CERS6: variants seen among roughly 807,000 people sequenced by gnomAD.
CERS6 encodes LAG1 homolog, ceramide synthase 6.
A neutral mutation model predicts 56.8 loss-of-function variants in CERS6; 26 were observed. The observed-to-expected ratio is 0.46, with a 90% CI of 0.34 to 0.63. The LOEUF (loss-of-function observed/expected upper bound fraction) is 0.63. Ranked by LOEUF, CERS6 falls within the 30% of genes least tolerant of loss-of-function variation. The pLI, the probability that CERS6 is intolerant of heterozygous loss-of-function variation, is 0.01. For missense variants in CERS6, 415 were observed against 467.5 expected (o/e 0.89, Z 1.04); for synonymous variants, 164 against 173.3 (o/e 0.95, Z 0.42).
chr2:168,626,946 T>C (rs778984786), intron 3 of CERS6, among the ~76,000 whole-genome samples: 6 of 152,150 alleles, frequency 3.9e-5, no homozygotes, highest in Non-Finnish European at 8.8e-5. Context: ...CACTCCAGTT[T>C]TGTGTCCCTG....
chr2:168,547,752 G>T, intron 2 of CERS6, 51 bp downstream of exon 2: 1 of 1,246,842 alleles, frequency 8.0e-7, no homozygotes, highest in Non-Finnish European at 1.2e-6. Flanking sequence ...ACCATTCTCA[G>T]CCTGCTGTCA....
At chr2:168,702,618 G>A (rs935248332) in intron 6 of CERS6, among the ~76,000 whole-genome samples, 5 of 152,098 alleles carry the variant, frequency 3.3e-5, no homozygotes, top group Admixed American at 1.3e-4. Context: ...ACTACTCAGC[G>A]AACCAATATT....
chr2:168,537,693 AT>A (rs1309975470), intron 1 of CERS6, among the ~76,000 whole-genome samples: 1 of 152,144 alleles, frequency 6.6e-6, no homozygotes, highest in East Asian at 1.9e-4. Context: ...CTCCTCCCGT[AT>A]TTATTTATAC....
chr2:168,544,498 A>C (rs1239519797), intron 1 of CERS6, among the ~76,000 whole-genome samples: 1 of 152,002 alleles, frequency 6.6e-6, no homozygotes, highest in Non-Finnish European at 1.5e-5. Flanking sequence ...GGGGCCCCAC[A>C]CACAGGAGAG....
rs1181552206 is a variant in CERS6 at position 168,773,325 on chromosome 2, C to G, written c.*3663C>G. 3 of 152,170 alleles carry G rather than the reference C, an allele frequency of 2.0e-5. No individual in the cohort carries two copies. Among genetic ancestry groups the G allele is most frequent in the Non-Finnish European group, 2.9e-5 (2 of 68,038 alleles). The allele number at this position is 152,170 out of a possible 1,614,324, so 9.4% of individuals were successfully genotyped here. The stretch of plus-strand genomic sequence containing the variant: ...ACAGTATGTGTGGTGATGTCATTAT[C>G]TCCAGAGAGGCTTCAAGAAATCCTT... On this transcript the variant is annotated 3_prime_UTR_variant, in exon 10 of 10. Coordinates refer to ENST00000305747, the MANE Select transcript of CERS6 (RefSeq NM_203463.3).
At chr2:168,494,321 T>C (rs1015331280) in intron 1 of CERS6, among the ~76,000 whole-genome samples, 4 of 152,170 alleles carry the variant, frequency 2.6e-5, no homozygotes, top group Admixed American at 6.5e-5. Context: ...GAGCCCGAAC[T>C]CTGGACTCAG....
chr2:168,711,091 A>G (rs1687077110), intron 6 of CERS6, among the ~76,000 whole-genome samples: 1 of 152,228 alleles, frequency 6.6e-6, no homozygotes, highest in Non-Finnish European at 1.5e-5. Context: ...TAGGAAACTA[A>G]TATACTGTTT....
intron 4 of CERS6, among the ~76,000 whole-genome samples, chr2:168,655,201 T>TA (rs1685439152): frequency 6.6e-6 from 1 of 151,972 alleles, no homozygotes; most frequent in African/African-American, 2.4e-5. Flanking sequence ...TCACACCTCT[T>TA]ACGATGGCTT....
At chr2:168,624,962 G>T (rs1869374) in intron 3 of CERS6, among the ~76,000 whole-genome samples, 45,702 of 151,812 alleles carry the variant, frequency 0.3, 7,763 homozygotes, top group African/African-American at 0.46. Context: ...AATATATTCT[G>T]CTCATTTGTC....
chr2:168,465,890 TAGA>T (rs1693863018), intron 1 of CERS6, among the ~76,000 whole-genome samples: 1 of 152,188 alleles, frequency 6.6e-6, no homozygotes, highest in African/African-American at 2.4e-5. Context: ...TTAAAAAAAA[TAGA>T]AGATTTGCTG....
At chr2:168,712,594 G>T (rs537278916) in intron 6 of CERS6, among the ~76,000 whole-genome samples, 1 of 152,160 alleles carries the variant, frequency 6.6e-6, no homozygotes, top group African/African-American at 2.4e-5. Context: ...AAATAGTAGC[G>T]TGATTACTTT....
chr2:168,768,379 G>A (rs1425489259), intron 9 of CERS6, among the ~76,000 whole-genome samples: 1 of 151,142 alleles, frequency 6.6e-6, no homozygotes, highest in Non-Finnish European at 1.5e-5. Context: ...ACAGACATGC[G>A]CCACCACACC....
At chr2:168,481,270 T>C (rs1812133) in intron 1 of CERS6, among the ~76,000 whole-genome samples, 151,338 of 152,288 alleles carry the variant, frequency 0.99, 75,201 homozygotes, top group East Asian at 1. Flanking sequence ...AAAAAATTTG[T>C]CAGGCGTGGT....
At chr2:168,735,239 G>A (rs1683674224) in intron 8 of CERS6, among the ~76,000 whole-genome samples, 1 of 151,264 alleles carries the variant, frequency 6.6e-6, no homozygotes, top group Non-Finnish European at 1.5e-5. Flanking sequence ...TATCAGTGCT[G>A]ATACAACTTC....
chr2:168,664,885 C>G (rs984054795), intron 4 of CERS6, among the ~76,000 whole-genome samples: 1 of 152,106 alleles, frequency 6.6e-6, no homozygotes, highest in African/African-American at 2.4e-5. Context: ...CTCATTTTAC[C>G]CAGCTCCTAT....
rs1350349370 is a variant in CERS6 at position 168,773,035 on chromosome 2, A to G, written c.*3373A>G. 1 of 152,250 alleles carries G rather than the reference A, an allele frequency of 6.6e-6. No individual in the cohort carries two copies. Among genetic ancestry groups the G allele is most frequent in the Non-Finnish European group, 1.5e-5 (1 of 68,042 alleles). 9.4% of individuals were successfully genotyped at this position (152,250 alleles called of 1,614,324 possible). A position where few individuals can be genotyped will look rare whatever the true frequency, so the allele number is the denominator to read the frequency against. On this transcript the variant is annotated 3_prime_UTR_variant, in exon 10 of 10. Transcript: ENST00000305747. ...AGAAAGGGCCTGAATCTTCCATTTTATATTCAAACCTCATTGTTATTTGGC... is the reference window on the plus strand; with the variant it reads ...AGAAAGGGCCTGAATCTTCCATTTTGTATTCAAACCTCATTGTTATTTGGC...
rs375157328 is a variant in CERS6, at chr2:168,473,802, A to ATG, written c.170+17188_170+17189dup. Among the ~76,000 whole-genome samples the ATG allele has an allele frequency of 6.5e-4, 99 of 152,298 alleles. 1 individual carries two copies. Among genetic ancestry groups the ATG allele is most frequent in the African/African-American group, 2.0e-3 (82 of 41,556 alleles). ...TTCTTCTATCTCACTTTCTTCCCTG[A>ATG]TGTGTCCAGTATTAGTAGTTGATAT... On this transcript the variant is annotated intron_variant, in intron 1 of 9. Coordinates refer to ENST00000305747, the MANE Select transcript of CERS6 (RefSeq NM_203463.3).
At chr2:168,459,601 G>A (rs747507390) in intron 1 of CERS6, among the ~76,000 whole-genome samples, 1 of 151,496 alleles carries the variant, frequency 6.6e-6, no homozygotes, top group Non-Finnish European at 1.5e-5. Context: ...CCACTGTAGC[G>A]ACCAATTGAT....
intron 1 of CERS6, among the ~76,000 whole-genome samples, chr2:168,524,510 C>T (rs1056275677): frequency 4.6e-4 from 70 of 152,166 alleles, no homozygotes; most frequent in Admixed American, 2.6e-3. Flanking sequence ...CAGATAGAGA[C>T]GGAATTGAGA....
Sources: gnomAD v4.1 joint callset for allele counts (sites outside exome capture counted in the v4.1 genomes callset) on GRCh38, gnomAD v4.1.1 for gene constraint, MANE v1.5 for transcripts, NCBI Gene and HGNC (gene_info 2026-07-23, HGNC 2026-07-21) for gene names.